Variants in SYT16 observed in about 807,000 individuals in gnomAD.
The protein encoded by SYT16 is synaptotagmin-16.
Under a neutral mutation model 61.4 loss-of-function variants are expected in SYT16, and 42 were observed. The ratio of observed to expected loss-of-function variants is 0.68; its 90% CI spans 0.53 to 0.89. The LOEUF (loss-of-function observed/expected upper bound fraction) is 0.89. Among genes scored for constraint, SYT16 ranks in the 40% least tolerant of loss-of-function variants. The pLI is 0.00. For synonymous variants in SYT16, 314 were observed against 302.3 expected (o/e 1.04, Z -0.40); for missense variants, 804 against 807.3 (o/e 1.00, Z 0.05).
intron 1 of SYT16, among the ~76,000 whole-genome samples, chr14:61,931,790 G>A (rs2049782456): frequency 6.6e-6 from 1 of 151,932 alleles, no homozygotes; most frequent in South Asian, 2.1e-4. Flanking sequence ...TAGGGTACAT[G>A]TGCACAATGT....
At chr14:61,836,427 T>C (rs2046131657) in intron 1 of SYT16, among the ~76,000 whole-genome samples, 1 of 152,314 alleles carries the variant, frequency 6.6e-6, no homozygotes, top group East Asian at 1.9e-4. Flanking sequence ...GAAAACCAAT[T>C]GATGGTTTGG....
At chr14:61,886,887 T>TA (rs1296182917) in intron 1 of SYT16, among the ~76,000 whole-genome samples, 1 of 126,330 alleles carries the variant, frequency 7.9e-6, no homozygotes, top group African/African-American at 3.2e-5. Flanking sequence ...TGTCTTTTTT[T>TA]TTTTTTTTGT....
chr14:62,014,783 C>G (rs1233840298), intron 3 of SYT16, among the ~76,000 whole-genome samples: 1 of 151,982 alleles, frequency 6.6e-6, no homozygotes, highest in Non-Finnish European at 1.5e-5. Flanking sequence ...TCTTGAGTTT[C>G]CCCCTCCGAA....
intron 1 of SYT16, among the ~76,000 whole-genome samples, chr14:61,845,039 CTTTTTTTTT>C (rs35131511): frequency 0.011 from 1,070 of 97,600 alleles, 12 homozygotes; most frequent in Middle Eastern, 0.047. Context: ...TACTAGAAGA[CTTTTTTTTT>C]TTTTTTTTTT....
At chr14:61,977,559 AC>A (rs1344706197) in intron 2 of SYT16, among the ~76,000 whole-genome samples, 1 of 152,186 alleles carries the variant, frequency 6.6e-6, no homozygotes, top group East Asian at 1.9e-4. Flanking sequence ...TATCATGAGA[AC>A]AGCATGGGGG....
chr14:61,976,755 A>C (rs1256474078), intron 2 of SYT16, among the ~76,000 whole-genome samples: 1 of 152,128 alleles, frequency 6.6e-6, no homozygotes, highest in Non-Finnish European at 1.5e-5. Context: ...AAGGGCTGCC[A>C]TGAGGACCTC....
downstream of SYT16, among the ~76,000 whole-genome samples, chr14:62,112,777 T>C (rs17735280): frequency 0.13 from 20,451 of 152,170 alleles, 1,679 homozygotes; most frequent in Middle Eastern, 0.21. Context: ...GGTGAACACA[T>C]ATACAAATCA....
At chr14:61,945,828 C>A (rs969902473) in intron 1 of SYT16, among the ~76,000 whole-genome samples, 5 of 126,386 alleles carry the variant, frequency 4.0e-5, no homozygotes, top group African/African-American at 1.4e-4. Context: ...TGCACTCCAG[C>A]CTGGGCGACA....
chr14:61,831,334 T>G (rs2045929375), intron 1 of SYT16, among the ~76,000 whole-genome samples: 1 of 151,960 alleles, frequency 6.6e-6, no homozygotes, highest in Non-Finnish European at 1.5e-5. Flanking sequence ...AATGTATTAC[T>G]TTTTAGTCCT....
intron 3 of SYT16, among the ~76,000 whole-genome samples, chr14:62,013,912 C>T (rs1481317662): frequency 1.3e-5 from 2 of 151,354 alleles, no homozygotes; most frequent in Non-Finnish European, 2.9e-5. Flanking sequence ...TGCCGTGAGC[C>T]GAGATTGTGC....
chr14:61,831,168 AT>A (rs2140234413), intron 1 of SYT16, among the ~76,000 whole-genome samples: 1 of 152,334 alleles, frequency 6.6e-6, no homozygotes, highest in South Asian at 2.1e-4. Flanking sequence ...ATATCCTATA[AT>A]ACAGAGAACA....
chr14:61,873,901 A>T (rs1204908639), intron 1 of SYT16, among the ~76,000 whole-genome samples: 1 of 152,158 alleles, frequency 6.6e-6, no homozygotes, highest in Non-Finnish European at 1.5e-5. Context: ...AAATTTTCGT[A>T]TGTATTGTGA....
At chr14:62,082,103 C>T (rs146357883) in intron 6 of SYT16, among the ~76,000 whole-genome samples, 12 of 152,118 alleles carry the variant, frequency 7.9e-5, no homozygotes, top group South Asian at 2.1e-4. Context: ...GATAAAACGC[C>T]GGAACTCAAA....
At chr14:61,813,244 T>C (rs1264329295) in intron 1 of SYT16, among the ~76,000 whole-genome samples, 1 of 152,228 alleles carries the variant, frequency 6.6e-6, no homozygotes, top group South Asian at 2.1e-4. Context: ...ATGGCTCGGC[T>C]GCCCGGTGGC....
intron 1 of SYT16, among the ~76,000 whole-genome samples, chr14:61,827,746 A>G (rs2045815631): frequency 6.6e-6 from 1 of 152,188 alleles, no homozygotes; most frequent in South Asian, 2.1e-4. Context: ...TGGAGTAGGA[A>G]CTACACTGTA....
At chr14:61,893,923 G>T (rs1428304929) in intron 1 of SYT16, among the ~76,000 whole-genome samples, 1 of 152,158 alleles carries the variant, frequency 6.6e-6, no homozygotes, top group Non-Finnish European at 1.5e-5. Flanking sequence ...TGCAAATCTT[G>T]TTACCTCAAC....
intron 3 of SYT16, among the ~76,000 whole-genome samples, chr14:62,048,568 T>C (rs889912011): frequency 4.6e-5 from 7 of 152,236 alleles, no homozygotes; most frequent in Non-Finnish European, 8.8e-5. Context: ...ATTGTGATGT[T>C]AGGGTGTCAA....
chr14:61,885,774 T>C (rs1185497198), intron 1 of SYT16, among the ~76,000 whole-genome samples: 1 of 152,180 alleles, frequency 6.6e-6, no homozygotes, highest in Non-Finnish European at 1.5e-5. Context: ...ATGTAATCTA[T>C]TAAGTGTGCA....
At chr14:61,913,972 G>A (rs186812302) in intron 1 of SYT16, among the ~76,000 whole-genome samples, 38 of 152,208 alleles carry the variant, frequency 2.5e-4, no homozygotes, top group Admixed American at 1.6e-3. Context: ...AGCAGGTCTT[G>A]GAGAAATAAG....
Sources: gnomAD v4.1 joint callset for allele counts (sites outside exome capture counted in the v4.1 genomes callset) on GRCh38, gnomAD v4.1.1 for gene constraint, MANE v1.5 for transcripts, NCBI Gene and HGNC (gene_info 2026-07-23, HGNC 2026-07-21) for gene names.